Variants in MPRIP observed in about 807,000 individuals in gnomAD.
MPRIP encodes myosin phosphatase Rho interacting protein.
Under a neutral mutation model 234.9 loss-of-function variants are expected in MPRIP, and 59 were observed. The ratio of observed to expected loss-of-function variants is 0.25; its 90% CI spans 0.20 to 0.31. The LOEUF is 0.31. Among genes scored for constraint, MPRIP ranks in the 10% least tolerant of loss-of-function variants. MPRIP has a pLI of 1.00. For synonymous variants in MPRIP, 1,144 were observed against 1,263.9 expected, an observed-to-expected ratio of 0.91 and a Z score of 2.01; for missense variants, 2,436 against 3,071.0, an observed-to-expected ratio of 0.79 and a Z score of 4.89.
intron 5 of MPRIP, among the ~76,000 whole-genome samples, chr17:17,134,286 T>C (rs2090652141): frequency 6.6e-6 from 1 of 152,074 alleles, no homozygotes; most frequent in African/African-American, 2.4e-5. Flanking sequence ...AACTTGTGCT[T>C]TGGGGAAGCG....
At chr17:17,068,667 A>G (rs2089116530) in intron 1 of MPRIP, among the ~76,000 whole-genome samples, 1 of 151,534 alleles carries the variant, frequency 6.6e-6, no homozygotes, top group African/African-American at 2.4e-5. Context: ...AGTAGCTGGG[A>G]CTACAGGTGT....
intron 1 of MPRIP, among the ~76,000 whole-genome samples, chr17:17,055,821 C>T (rs1259842448): frequency 2.6e-5 from 4 of 152,156 alleles, no homozygotes; most frequent in African/African-American, 9.7e-5. Context: ...GGGTGGCCTG[C>T]CCTGGCATTG....
intron 3 of MPRIP, among the ~76,000 whole-genome samples, chr17:17,120,722 G>A (rs1231661720): frequency 6.6e-6 from 1 of 152,142 alleles, no homozygotes; most frequent in Non-Finnish European, 1.5e-5. Context: ...ACAAAACTAG[G>A]TGAAGCTCAG....
intron 5 of MPRIP, among the ~76,000 whole-genome samples, chr17:17,132,379 G>A (rs537860241): frequency 6.6e-6 from 1 of 152,314 alleles, no homozygotes; most frequent in African/African-American, 2.4e-5. Context: ...CTGCCTAATC[G>A]CCAAGATTGT....
At chr17:17,152,610 C>T (rs987221432) in intron 12 of MPRIP, among the ~76,000 whole-genome samples, 1 of 152,196 alleles carries the variant, frequency 6.6e-6, no homozygotes. Context: ...GACTGGACTC[C>T]AGACCTGGTG....
At chr17:17,184,185 C>T (rs553940765) in intron 23 of MPRIP, among the ~76,000 whole-genome samples, 1 of 152,358 alleles carries the variant, frequency 6.6e-6, no homozygotes, top group African/African-American at 2.4e-5. Context: ...CAGATTTAAG[C>T]TTTAGCAAGA....
At chr17:17,139,939 A>T (rs753182436) in intron 7 of MPRIP, among the ~76,000 whole-genome samples, 3 of 152,202 alleles carry the variant, frequency 2.0e-5, no homozygotes, top group Admixed American at 6.5e-5. Flanking sequence ...CCAGTTATAG[A>T]TGTGAAAACT....
At chr17:17,143,422 T>C (rs6502563) in intron 8 of MPRIP, 134 bp from the exon 9 acceptor site, 1 of 536,674 alleles carries the variant, frequency 1.9e-6, no homozygotes. Context: ...CTTGCTATGG[T>C]GGCTAGGCAG....
intron 3 of MPRIP, among the ~76,000 whole-genome samples, chr17:17,122,389 C>T (rs1365967435): frequency 1.3e-5 from 2 of 152,130 alleles, no homozygotes; most frequent in Non-Finnish European, 2.9e-5. Flanking sequence ...AATCTCGCTC[C>T]ATCACCCAGG....
rs566081527 is a variant in MPRIP at position 17,095,480 on chromosome 17, G to A, written c.267+17404G>A. On this transcript the variant is annotated intron_variant, in intron 3 of 23. Transcript: ENST00000651222. ...TTTAGGAGGTCTTTCTCTTGGGCTTGTTGGTTTCCCCTGATAGGAATTCTC... is the reference window on the plus strand; with the variant it reads ...TTTAGGAGGTCTTTCTCTTGGGCTTATTGGTTTCCCCTGATAGGAATTCTC... 1.8e-4 allele frequency among the ~76,000 whole-genome samples: 27 copies of A among 152,290 alleles called. No individual in the cohort carries two copies. In the South Asian group the frequency reaches 5.4e-3, roughly 30 times the overall value.
intron 1 of MPRIP, among the ~76,000 whole-genome samples, chr17:17,044,558 A>G (rs1351814608): frequency 6.6e-6 from 1 of 152,230 alleles, no homozygotes; most frequent in South Asian, 2.1e-4. Context: ...TAACAAACCA[A>G]AAAAACCTGC....
chr17:17,042,995 A>G (rs2088225979), intron 1 of MPRIP, 24 bp downstream of exon 1: 8 of 1,605,190 alleles, frequency 5.0e-6, no homozygotes, highest in Non-Finnish European at 4.3e-6. Context: ...GCCGGCCCGG[A>G]CACCTCCGTT....
At chr17:17,122,614 A>T (rs528124933) in intron 3 of MPRIP, among the ~76,000 whole-genome samples, 4 of 152,174 alleles carry the variant, frequency 2.6e-5, no homozygotes, top group South Asian at 4.1e-4. Context: ...TGGCCTCCCA[A>T]AGTGCTGGGA....
intron 1 of MPRIP, chr17:17,057,684 G>T (rs1280609475): frequency 1.4e-6 from 1 of 717,854 alleles, no homozygotes; most frequent in African/African-American, 1.7e-5. Context: ...CATATATGAT[G>T]CACGAATGTT....
chr17:17,113,307 C>T (rs1462298445), intron 3 of MPRIP, among the ~76,000 whole-genome samples: 3 of 152,218 alleles, frequency 2.0e-5, no homozygotes, highest in Non-Finnish European at 4.4e-5. Context: ...AGAAATTTGC[C>T]AGTAGCTGTT....
intron 3 of MPRIP, among the ~76,000 whole-genome samples, chr17:17,088,003 A>G (rs1439683701): frequency 6.6e-6 from 1 of 152,186 alleles, no homozygotes; most frequent in Non-Finnish European, 1.5e-5. Context: ...CTATAATGAG[A>G]TACCCACATT....
At chr17:17,062,519 T>A (rs1419952528) in intron 1 of MPRIP, among the ~76,000 whole-genome samples, 1 of 152,248 alleles carries the variant, frequency 6.6e-6, no homozygotes. Context: ...CATGTTTTTA[T>A]CTGCAGGGCC....
At chr17:17,114,890 G>A (rs939575989) in intron 3 of MPRIP, among the ~76,000 whole-genome samples, 2 of 152,262 alleles carry the variant, frequency 1.3e-5, no homozygotes, top group African/African-American at 2.4e-5. Context: ...GAACTTCCTG[G>A]TCTTGGCAGC....
At position 17,165,405 on chromosome 17, in the gene MPRIP, G is replaced by T. The variant is rs1158469825; in HGVS notation, c.3814G>T (p.Ala1272Ser). The T allele has an allele frequency of 1.5e-6, 2 of 1,304,166 alleles. No individual in the cohort carries two copies. Among genetic ancestry groups the T allele is most frequent in the Admixed American group, 2.3e-5 (1 of 43,572 alleles). 80.8% of individuals were successfully genotyped at this position (1,304,166 alleles called of 1,614,324 possible). Residue 1272 changes from alanine (A) to serine (S), a missense_variant, in exon 16 of 24, where the codon GCT (alanine) becomes TCT (serine). By Grantham distance (99) the Ala-to-Ser change is moderately conservative. Around this residue, in one of 4 missense-constraint regions of MPRIP, gnomAD observed 1,998 missense variants for 2,520.3 expected, o/e 0.79. Transcript: ENST00000651222. ...RLEDEDEDLG[A>S]PPGEEYGDGS... ...CGAGGATGAGGACGAGGACCTGGGG[G>T]CTCCTCCGGGGGAAGAGTACGGTGA...
Sources: allele counts gnomAD v4.1 joint callset (sites outside exome capture counted in the v4.1 genomes callset), GRCh38; gene constraint gnomAD v4.1.1; regional missense constraint gnomAD v4.1.1; transcripts MANE v1.5; gene names NCBI Gene and HGNC (gene_info 2026-07-23, HGNC 2026-07-21).